WWOX: variants seen among roughly 807,000 people sequenced by gnomAD.
WWOX encodes WW domain-containing oxidoreductase.
In WWOX, 69 loss-of-function variants were observed where a neutral mutation model predicts 46.2. The ratio of observed to expected loss-of-function variants is 1.49; its 90% CI spans 1.23 to 1.82. WWOX has a LOEUF of 1.82. WWOX is among the 40% of genes most tolerant of loss of function. The pLI is 0.00. For synonymous variants in WWOX, 359 were observed against 202.6 expected, an observed-to-expected ratio of 1.77 and a Z score of -6.56; for missense variants, 919 against 542.6, an observed-to-expected ratio of 1.69 and a Z score of -6.89.
intron 8 of WWOX, among the ~76,000 whole-genome samples, chr16:78,460,234 T>C (rs1057188576): frequency 6.6e-6 from 1 of 152,104 alleles, no homozygotes; most frequent in South Asian, 2.1e-4. Flanking sequence ...TTCAAGAGAT[T>C]CTTGTGCCTC....
chr16:79,143,157 G>A (rs760730255), intron 8 of WWOX, among the ~76,000 whole-genome samples: 4 of 152,116 alleles, frequency 2.6e-5, no homozygotes, highest in African/African-American at 9.7e-5. Flanking sequence ...CAAATTTAAT[G>A]CCTCATTCCA....
chr16:78,949,016 C>T (rs555770869), intron 8 of WWOX, among the ~76,000 whole-genome samples: 42 of 152,220 alleles, frequency 2.8e-4, no homozygotes, highest in East Asian at 5.8e-4. Flanking sequence ...GAAATATGGG[C>T]GGCCCTCAGA....
chr16:78,608,638 C>G (rs1010265005), intron 8 of WWOX, among the ~76,000 whole-genome samples: 5 of 152,160 alleles, frequency 3.3e-5, no homozygotes, highest in Non-Finnish European at 7.3e-5. Flanking sequence ...GTCACCAACC[C>G]GTTCCATCTT....
chr16:78,375,852 ATTTT>A (rs11312205), intron 5 of WWOX, among the ~76,000 whole-genome samples: 37 of 129,228 alleles, frequency 2.9e-4, no homozygotes, highest in African/African-American at 6.8e-4. Flanking sequence ...CATGTATAGG[ATTTT>A]TTTTTTTTTT....
At chr16:78,435,186 G>A (rs6564560) in intron 8 of WWOX, among the ~76,000 whole-genome samples, 46,600 of 151,896 alleles carry the variant, frequency 0.31, 11,915 homozygotes, top group African/African-American at 0.69. Context: ...TGGAGGCAGA[G>A]GGACTACCAT....
intron 8 of WWOX, among the ~76,000 whole-genome samples, chr16:78,965,442 C>G (rs1404002509): frequency 2.0e-5 from 3 of 151,928 alleles, no homozygotes; most frequent in African/African-American, 4.8e-5. Context: ...TGGTGGCAGG[C>G]ACTTGTAATC....
chr16:78,773,267 A>G (rs1379037038), intron 8 of WWOX, among the ~76,000 whole-genome samples: 1 of 152,082 alleles, frequency 6.6e-6, no homozygotes, highest in East Asian at 1.9e-4. Flanking sequence ...TCCACACCCC[A>G]TGTTCCTTCT....
At chr16:78,569,141 T>C (rs1241578586) in intron 8 of WWOX, among the ~76,000 whole-genome samples, 4 of 152,096 alleles carry the variant, frequency 2.6e-5, no homozygotes, top group African/African-American at 9.7e-5. Flanking sequence ...TAGGGACCTG[T>C]TGGGGTGGGA....
intron 8 of WWOX, among the ~76,000 whole-genome samples, chr16:78,884,736 T>A (rs1413510635): frequency 1.3e-5 from 2 of 152,244 alleles, no homozygotes; most frequent in Non-Finnish European, 1.5e-5. Flanking sequence ...TTCAAGCTAC[T>A]GGGTGTGTTC....
intron 8 of WWOX, among the ~76,000 whole-genome samples, chr16:78,501,854 C>G (rs1377149769): frequency 1.3e-5 from 2 of 152,156 alleles, no homozygotes; most frequent in Non-Finnish European, 2.9e-5. Flanking sequence ...CTAATGAAAT[C>G]AGGCTCCATG....
intron 8 of WWOX, among the ~76,000 whole-genome samples, chr16:78,851,346 G>C (rs1318907493): frequency 1.3e-5 from 2 of 152,224 alleles, no homozygotes; most frequent in Non-Finnish European, 2.9e-5. Context: ...AAGAGAGGAT[G>C]AGAATTTTCT....
chr16:79,002,293 A>G (rs1489362553), intron 8 of WWOX, among the ~76,000 whole-genome samples: 3 of 125,936 alleles, frequency 2.4e-5, no homozygotes, highest in Non-Finnish European at 4.6e-5. Context: ...GCGTGATCTC[A>G]GCTCACTGCA....
At chr16:79,197,953 G>A (rs978718968) in intron 8 of WWOX, among the ~76,000 whole-genome samples, 1 of 152,130 alleles carries the variant, frequency 6.6e-6, no homozygotes, top group Non-Finnish European at 1.5e-5. Context: ...GAAATCTGGG[G>A]CAGTTATAAA....
chr16:78,668,902 C>T (rs1018359049), intron 8 of WWOX, among the ~76,000 whole-genome samples: 10 of 152,110 alleles, frequency 6.6e-5, no homozygotes, highest in African/African-American at 2.4e-4. Context: ...ATCGGGCCTC[C>T]ACATAGGGTA....
At chr16:79,043,472 A>T (rs190191169) in intron 8 of WWOX, among the ~76,000 whole-genome samples, 3 of 152,348 alleles carry the variant, frequency 2.0e-5, no homozygotes, top group Non-Finnish European at 2.9e-5. Context: ...AGGAAAAGCA[A>T]GTGCATTAGA....
chr16:78,618,906 G>C lies in WWOX; in HGVS notation c.1056+186154G>C, dbSNP rs78541422. Among the ~76,000 whole-genome samples, 563 of 151,154 alleles carry C rather than the reference G, an allele frequency of 3.7e-3. 4 individuals carry two copies. Among genetic ancestry groups the C allele is most frequent in the African/African-American group, 0.013 (538 of 41,138 alleles). On this transcript the variant is annotated intron_variant, in intron 8 of 8. Transcript: ENST00000566780. ...AGCATGGATCTTCTCCAAGTAGGAG[G>C]CCTTGGAGTCAGAGAAAGGTGCAAC...
intron 8 of WWOX, among the ~76,000 whole-genome samples, chr16:78,743,085 C>T (rs533429796): frequency 2.0e-5 from 3 of 151,988 alleles, no homozygotes; most frequent in African/African-American, 4.8e-5. Context: ...GATCAGCCCC[C>T]GAAGGAAACA....
At chr16:78,708,385 C>G (rs1043215642) in intron 8 of WWOX, among the ~76,000 whole-genome samples, 2 of 152,138 alleles carry the variant, frequency 1.3e-5, no homozygotes, top group Non-Finnish European at 2.9e-5. Context: ...TTTTTATTTG[C>G]TAGACGTAGC....
At chr16:78,442,337 A>G (rs757849727) in intron 8 of WWOX, among the ~76,000 whole-genome samples, 6 of 152,114 alleles carry the variant, frequency 3.9e-5, no homozygotes, top group Non-Finnish European at 8.8e-5. Context: ...TATTATTACT[A>G]TCGTTAACTG....
Sources: gnomAD v4.1 joint callset for allele counts (sites outside exome capture counted in the v4.1 genomes callset) on GRCh38, gnomAD v4.1.1 for gene constraint, MANE v1.5 for transcripts, NCBI Gene and HGNC (gene_info 2026-07-23, HGNC 2026-07-21) for gene names.